The following DNER variants were observed in gnomAD, a reference collection of about 807,000 sequenced individuals.
DNER encodes delta/notch like EGF repeat containing, also known as delta and Notch-like epidermal growth factor-related receptor.
Under a neutral mutation model 78.2 loss-of-function variants are expected in DNER, and 33 were observed. The ratio of observed to expected loss-of-function variants is 0.42; its 90% CI spans 0.32 to 0.56. The LOEUF (loss-of-function observed/expected upper bound fraction) is 0.56. DNER is among the 20% of genes least tolerant of loss of function. The pLI, the probability that DNER is intolerant of heterozygous loss-of-function variation, is 0.11. For missense variants in DNER, 918 were observed against 975.3 expected (o/e 0.94, Z 0.78); for synonymous variants, 417 against 384.8 (o/e 1.08, Z -0.98).
intron 6 of DNER, among the ~76,000 whole-genome samples, chr2:229,494,001 A>G (rs1574868598): frequency 2.0e-5 from 3 of 152,314 alleles, no homozygotes; most frequent in Admixed American, 2.0e-4. Context: ...TCGGGTTCAT[A>G]TAACTTCGGG....
rs571735277 is a variant in DNER, at chr2:229,587,044, A to G, written c.681-1020T>C. 13 of 966,246 alleles carry G rather than the reference A, an allele frequency of 1.3e-5. No individual in the cohort carries two copies. In the East Asian group the frequency reaches 1.3e-3, roughly 94 times the overall value. The allele number at this position is 966,246 out of a possible 1,614,324, so 59.9% of individuals were successfully genotyped here. A position where few individuals can be genotyped will look rare whatever the true frequency, so the allele number is the denominator to read the frequency against. ...CTAATTCGGTCCCGTTCTGCAGCTT[A>G]AGGGAGTCTCAGAGAATGGCAGGTT... On this transcript the variant is annotated intron_variant, in intron 3 of 12. Coordinates refer to ENST00000341772, the MANE Select transcript of DNER (RefSeq NM_139072.4).
At chr2:229,682,440 A>G (rs1283258767) in intron 1 of DNER, among the ~76,000 whole-genome samples, 1 of 152,242 alleles carries the variant, frequency 6.6e-6, no homozygotes, top group Non-Finnish European at 1.5e-5. Flanking sequence ...CAAAATACTC[A>G]CAAAGAGCCC....
Position 229,710,851 on chromosome 2 carries a change from C to T in DNER, c.276+3297G>A, listed in dbSNP as rs59890192. Among the ~76,000 whole-genome samples, 6 of 152,142 alleles carry T rather than the reference C, an allele frequency of 3.9e-5. No individual in the cohort carries two copies. The South Asian group carries it at 1.2e-3, about 32-fold the overall frequency. ...TACAAAGAAAGAAATGTCACAGGTG[C>T]TCAGTGATTTACAGCACTTAATTAA... On this transcript the variant is annotated intron_variant, in intron 1 of 12. Transcript: ENST00000341772.
chr2:229,369,335 TAAA>T (rs1314553268), intron 11 of DNER, among the ~76,000 whole-genome samples: 1 of 147,818 alleles, frequency 6.8e-6, no homozygotes, highest in Non-Finnish European at 1.5e-5. Context: ...TCTAAAAAGT[TAAA>T]AAAAAGTTTT....
rs982680921 is a variant in DNER, at chr2:229,513,075, T to C, written c.994-139A>G. 1.5e-5 allele frequency: 15 copies of C among 970,070 alleles called. No homozygotes were observed. The South Asian group carries it at 2.8e-4, about 18-fold the overall frequency. The allele number at this position is 970,070 out of a possible 1,614,324, so 60.1% of individuals were successfully genotyped here. A position where few individuals can be genotyped will look rare whatever the true frequency, so the allele number is the denominator to read the frequency against. ...TCAAATCACTTATGTCATAATCTAG[T>C]TGAAATCATCGCTTTAAGACAAACA... On this transcript the variant is annotated intron_variant, in intron 5 of 12. Transcript: ENST00000341772.
At chr2:229,636,464 C>G (rs980474327) in intron 1 of DNER, among the ~76,000 whole-genome samples, 2 of 152,152 alleles carry the variant, frequency 1.3e-5, no homozygotes, top group African/African-American at 4.8e-5. Context: ...GAGGGAAAGA[C>G]AGAGTGCATG....
chr2:229,576,414 A>G (rs1355353484), intron 4 of DNER, among the ~76,000 whole-genome samples: 1 of 151,150 alleles, frequency 6.6e-6, no homozygotes, highest in Non-Finnish European at 1.5e-5. Context: ...AATGTCACAG[A>G]GGTAGATTGT....
At position 229,357,994 on chromosome 2, in the gene DNER, AC is replaced by A. The variant is rs1271008241; in HGVS notation, c.*545del. 1 of 152,668 alleles carries A rather than the reference AC, an allele frequency of 6.6e-6. No homozygotes were observed. The highest frequency in any genetic ancestry group is 1.5e-5 in the Non-Finnish European group (1 of 68,044). The allele number at this position is 152,668 out of a possible 1,614,324, so 9.5% of individuals were successfully genotyped here. A position where few individuals can be genotyped will look rare whatever the true frequency, so the allele number is the denominator to read the frequency against. ...CGAAAGAATGTTTCCACAAAGTTCA[AC>A]AAAACAGTGCAGAAATAAGTTACTT... On this transcript the variant is annotated 3_prime_UTR_variant, in exon 13 of 13. Transcript: ENST00000341772.
intron 5 of DNER, among the ~76,000 whole-genome samples, chr2:229,520,347 G>A (rs925992621): frequency 1.3e-5 from 2 of 152,102 alleles, no homozygotes; most frequent in African/African-American, 2.4e-5. Flanking sequence ...GCCAAGAGGC[G>A]ACTAACAGGC....
At chr2:229,702,670 C>T (rs538204684) in intron 1 of DNER, among the ~76,000 whole-genome samples, 3 of 152,108 alleles carry the variant, frequency 2.0e-5, no homozygotes, top group African/African-American at 7.2e-5. Flanking sequence ...GTAATCCCAG[C>T]ACTTTGGGAG....
At chr2:229,414,456 G>A (rs1330886753) in intron 9 of DNER, among the ~76,000 whole-genome samples, 5 of 151,872 alleles carry the variant, frequency 3.3e-5, no homozygotes, top group African/African-American at 4.8e-5. Context: ...TAGTAGAGAC[G>A]GGATTTCACT....
intron 10 of DNER, among the ~76,000 whole-genome samples, chr2:229,403,581 G>A (rs1308598248): frequency 6.6e-6 from 1 of 152,144 alleles, no homozygotes; most frequent in Non-Finnish European, 1.5e-5. Flanking sequence ...TCTGTAGGCT[G>A]AAAAACTATC....
At position 229,421,944 on chromosome 2, in the gene DNER, T is replaced by G. The variant is rs184831457; in HGVS notation, c.1487-3714A>C. On this transcript the variant is annotated intron_variant, in intron 8 of 12. Coordinates refer to ENST00000341772, the MANE Select transcript of DNER (RefSeq NM_139072.4). ...CAAGCAAGTTTTGCAAGATCATCTT[T>G]AATTGTTTCCATTTTTGAAAACAGT... Among the ~76,000 whole-genome samples, 439 of 152,306 alleles carry G rather than the reference T, an allele frequency of 2.9e-3. 1 individual carries two copies. The highest frequency in any genetic ancestry group is 3.9e-3 in the Non-Finnish European group (264 of 68,028).
chr2:229,449,791 T>C (rs1421348762), intron 7 of DNER, among the ~76,000 whole-genome samples: 1 of 152,182 alleles, frequency 6.6e-6, no homozygotes. Context: ...TTTTATTTTG[T>C]TTTGTTTTTT....
At chr2:229,456,763 G>A (rs1247948033) in intron 7 of DNER, among the ~76,000 whole-genome samples, 3 of 152,044 alleles carry the variant, frequency 2.0e-5, no homozygotes, top group Non-Finnish European at 4.4e-5. Context: ...AGACCACACA[G>A]ATGATGACCG....
chr2:229,539,960 T>C (rs1013407134), intron 5 of DNER, among the ~76,000 whole-genome samples: 2 of 152,230 alleles, frequency 1.3e-5, no homozygotes, highest in Admixed American at 6.5e-5. Flanking sequence ...TAGACCAGTA[T>C]GTATCCTCCA....
intron 5 of DNER, among the ~76,000 whole-genome samples, chr2:229,516,856 C>T (rs1442441671): frequency 1.3e-5 from 2 of 150,260 alleles, no homozygotes; most frequent in African/African-American, 2.4e-5. Flanking sequence ...CCCTGTAATC[C>T]CAGCATTTTG....
At chr2:229,399,091 T>C (rs928536771) in intron 10 of DNER, among the ~76,000 whole-genome samples, 27 of 151,476 alleles carry the variant, frequency 1.8e-4, no homozygotes, top group African/African-American at 6.3e-4. Flanking sequence ...AAATAAAATT[T>C]ATACCTATCA....
At chr2:229,523,384 C>T (rs962794110) in intron 5 of DNER, among the ~76,000 whole-genome samples, 8 of 152,190 alleles carry the variant, frequency 5.3e-5, no homozygotes, top group Non-Finnish European at 7.3e-5. Context: ...CAGCCTGAGA[C>T]GACAGTGTCG....
Sources: allele counts gnomAD v4.1 joint callset (sites outside exome capture counted in the v4.1 genomes callset), GRCh38; gene constraint gnomAD v4.1.1; transcripts MANE v1.5; gene names NCBI Gene and HGNC (gene_info 2026-07-23, HGNC 2026-07-21).